CALN1: variants seen among roughly 807,000 people sequenced by gnomAD.
The protein encoded by CALN1 is calneuron 1, also known as calcium-binding protein 8.
Under a neutral mutation model 30.6 loss-of-function variants are expected in CALN1, and 17 were observed. That is an observed-to-expected ratio of 0.56 (90% CI 0.38 to 0.83). The LOEUF (loss-of-function observed/expected upper bound fraction) is 0.83, where lower values mean the gene tolerates loss of function less well. CALN1 is among the 40% of genes least tolerant of loss of function. CALN1 has a pLI of 0.00. For synonymous variants in CALN1, 156 were observed against 131.4 expected, an observed-to-expected ratio of 1.19 and a Z score of -1.28; for missense variants, 291 against 354.9, an observed-to-expected ratio of 0.82 and a Z score of 1.45.
At chr7:72,501,982 C>CAT in the CALN1 span, among the ~76,000 whole-genome samples, 7 of 112,830 alleles carry the variant, frequency 6.2e-5, no homozygotes, top group South Asian at 2.7e-4. Flanking sequence ...TATATACACA[C>CAT]ATATATATAT....
chr7:72,176,019 C>T (rs112417541), intron 3 of CALN1, among the ~76,000 whole-genome samples: 3,963 of 152,070 alleles, frequency 0.026, 186 homozygotes, highest in African/African-American at 0.09. Context: ...TGGGAACAGA[C>T]ACAAAACTCT....
chr7:72,363,700 C>T (rs116858452), intron 2 of CALN1, among the ~76,000 whole-genome samples: 1,872 of 147,710 alleles, frequency 0.013, 49 homozygotes, highest in Non-Finnish European at 0.013. Context: ...TAACAGGCTA[C>T]TTGCAACATA....
Position 71,934,922 on chromosome 7 carries a change from A to G in CALN1, c.501+88735T>C, listed in dbSNP as rs116144193. ...TGTTTATAAAACCATCAGATCTTGT[A>G]GCACTTATTCACTAATACGAGAACA... is the stretch of plus-strand genomic sequence containing the variant. On this transcript the variant is annotated intron_variant, in intron 5 of 6. Transcript: ENST00000395275. Among the ~76,000 whole-genome samples, 1,492 of 152,246 alleles carry G rather than the reference A, an allele frequency of 9.8e-3. 28 individuals carry two copies. Among genetic ancestry groups the G allele is most frequent in the African/African-American group, 0.034 (1,404 of 41,536 alleles).
intron 5 of CALN1, among the ~76,000 whole-genome samples, chr7:71,940,778 A>AT (rs1481180606): frequency 2.6e-5 from 4 of 151,836 alleles, no homozygotes; most frequent in Admixed American, 6.6e-5. Context: ...CGTCCAGATA[A>AT]TTTTTTGTAA....
At chr7:72,019,698 TGGTCACAG>T (rs1459409238) in intron 5 of CALN1, among the ~76,000 whole-genome samples, 2 of 152,178 alleles carry the variant, frequency 1.3e-5, no homozygotes, top group African/African-American at 2.4e-5. Flanking sequence ...AGCCCAAGGC[TGGTCACAG>T]CTCCAGCCAG....
chr7:71,784,961 A>G lies in CALN1; in HGVS notation c.*2814T>C. ...CTGGGAGTTGGCTGCCTGACAAGGA[A>G]GGCTTCCCTATACCCAAGACAAACT... is the stretch of plus-strand genomic sequence containing the variant. On this transcript the variant is annotated 3_prime_UTR_variant, in exon 7 of 7. Coordinates refer to ENST00000395275, the MANE Select transcript of CALN1 (RefSeq NM_031468.4). 2.5e-6 allele frequency: 1 copy of G among 398,132 alleles called. No homozygotes were observed. Among genetic ancestry groups the G allele is most frequent in the Non-Finnish European group, 4.4e-6 (1 of 225,898 alleles). The allele number at this position is 398,132 out of a possible 1,614,324, so 24.7% of individuals were successfully genotyped here.
At chr7:72,035,949 C>A (rs1376742925) in intron 4 of CALN1, among the ~76,000 whole-genome samples, 1 of 152,192 alleles carries the variant, frequency 6.6e-6, no homozygotes, top group Non-Finnish European at 1.5e-5. Flanking sequence ...TTTATTGCTT[C>A]ATATGGCTTC....
chr7:71,828,485 A>G lies in CALN1; in HGVS notation c.502-17993T>C, dbSNP rs142310864. On this transcript the variant is annotated intron_variant, in intron 5 of 6. Coordinates refer to ENST00000395275, the MANE Select transcript of CALN1 (RefSeq NM_031468.4). ...ACCCCAAAATTACTGAGCTAAAGGG[A>G]AAATTCAAGCTTGGAACTGGTCAGG... Among the ~76,000 whole-genome samples, 842 of 152,206 alleles carry G rather than the reference A, an allele frequency of 5.5e-3. 8 individuals carry two copies. The highest frequency in any genetic ancestry group is 0.019 in the African/African-American group (791 of 41,522).
intron 2 of CALN1, among the ~76,000 whole-genome samples, chr7:72,291,801 C>T (rs1798493413): frequency 6.6e-6 from 1 of 152,068 alleles, no homozygotes; most frequent in East Asian, 1.9e-4. Context: ...TTGGTAGAGA[C>T]AGGATTCTTC....
At chr7:72,149,423 C>T (rs538677545) in intron 3 of CALN1, among the ~76,000 whole-genome samples, 7 of 151,488 alleles carry the variant, frequency 4.6e-5, no homozygotes, top group Non-Finnish European at 8.9e-5. Context: ...GCTGAGATCA[C>T]GCCACTGCAC....
At chr7:72,361,719 G>A (rs1436807931) in intron 2 of CALN1, among the ~76,000 whole-genome samples, 2 of 152,156 alleles carry the variant, frequency 1.3e-5, no homozygotes, top group African/African-American at 4.8e-5. Flanking sequence ...AGAACAAGGA[G>A]AAAGAAGTAA....
At chr7:71,873,544 C>T (rs985720357) in intron 5 of CALN1, among the ~76,000 whole-genome samples, 5 of 152,156 alleles carry the variant, frequency 3.3e-5, no homozygotes, top group East Asian at 1.9e-4. Flanking sequence ...TTCTCAAAAG[C>T]GTAGTGCATA....
intron 5 of CALN1, among the ~76,000 whole-genome samples, chr7:71,887,134 G>A (rs945933398): frequency 2.0e-5 from 3 of 152,238 alleles, no homozygotes; most frequent in Non-Finnish European, 2.9e-5. Context: ...GATTTTGTGC[G>A]GTAGGGGTGG....
intron 3 of CALN1, among the ~76,000 whole-genome samples, chr7:72,186,768 T>C (rs1357157310): frequency 2.6e-5 from 4 of 152,124 alleles, no homozygotes; most frequent in African/African-American, 9.7e-5. Context: ...TTGTGTAGTA[T>C]TCTATGGCGC....
intron 3 of CALN1, among the ~76,000 whole-genome samples, chr7:72,122,631 TG>T (rs1161303744): frequency 6.6e-6 from 1 of 151,826 alleles, no homozygotes; most frequent in East Asian, 1.9e-4. Context: ...GAGACTGAGG[TG>T]GGGGGATCAC....
intron 2 of CALN1, among the ~76,000 whole-genome samples, chr7:72,351,077 G>C (rs1436555475): frequency 1.3e-5 from 2 of 152,164 alleles, no homozygotes; most frequent in Non-Finnish European, 2.9e-5. Context: ...GGAGGTGGAG[G>C]TTGCAGTGAG....
intron 4 of CALN1, among the ~76,000 whole-genome samples, chr7:72,105,526 G>C (rs1054432604): frequency 1.3e-5 from 2 of 151,704 alleles, no homozygotes; most frequent in African/African-American, 4.8e-5. Flanking sequence ...TCTGGACCAA[G>C]ACCCTGGTCT....
chr7:71,864,538 T>A (rs559699056), intron 5 of CALN1, among the ~76,000 whole-genome samples: 1 of 152,184 alleles, frequency 6.6e-6, no homozygotes, highest in Non-Finnish European at 1.5e-5. Flanking sequence ...ACTAGAATCC[T>A]GAGCTCCAAA....
At chr7:72,281,448 C>T (rs552589064) in intron 2 of CALN1, among the ~76,000 whole-genome samples, 1 of 152,322 alleles carries the variant, frequency 6.6e-6, no homozygotes, top group African/African-American at 2.4e-5. Flanking sequence ...CCCTCAGTAC[C>T]AGTCCCACAC....
Sources: gnomAD v4.1 joint callset for allele counts (sites outside exome capture counted in the v4.1 genomes callset) on GRCh38, gnomAD v4.1.1 for gene constraint, MANE v1.5 for transcripts, NCBI Gene and HGNC (gene_info 2026-07-23, HGNC 2026-07-21) for gene names.